Variants in RPRD1A observed in about 807,000 individuals in gnomAD.
RPRD1A encodes regulation of nuclear pre-mRNA domain containing 1A.
Under a neutral mutation model 37.8 loss-of-function variants are expected in RPRD1A, and 9 were observed. The ratio of observed to expected loss-of-function variants is 0.24; its 90% CI spans 0.14 to 0.42. The LOEUF (loss-of-function observed/expected upper bound fraction) is 0.42, where lower values mean the gene tolerates loss of function less well. RPRD1A is among the 10% of genes least tolerant of loss of function. The pLI is 1.00. For synonymous variants in RPRD1A, 138 were observed against 139.7 expected, an observed-to-expected ratio of 0.99 and a Z score of 0.08; for missense variants, 255 against 371.0, an observed-to-expected ratio of 0.69 and a Z score of 2.57.
intron 1 of RPRD1A, among the ~76,000 whole-genome samples, chr18:36,066,960 C>T (rs1395364706): frequency 6.6e-6 from 1 of 152,230 alleles, no homozygotes; most frequent in African/African-American, 2.4e-5. Flanking sequence ...GAAAAAAATA[C>T]CTGACCACCT....
intron 6 of RPRD1A, among the ~76,000 whole-genome samples, chr18:36,007,975 C>T (rs1909855953): frequency 6.6e-6 from 1 of 151,734 alleles, no homozygotes; most frequent in African/African-American, 2.4e-5. Flanking sequence ...TTGCCAGGAG[C>T]CATGACTCAT....
chr18:36,055,499 TAG>T (rs1913700611), intron 1 of RPRD1A, among the ~76,000 whole-genome samples: 1 of 152,226 alleles, frequency 6.6e-6, no homozygotes, highest in African/African-American at 2.4e-5. Context: ...TGATACTCTT[TAG>T]AGATTTTTTA....
chr18:36,007,548 T>C (rs1344343727), intron 6 of RPRD1A, among the ~76,000 whole-genome samples: 1 of 152,166 alleles, frequency 6.6e-6, no homozygotes, highest in Non-Finnish European at 1.5e-5. Flanking sequence ...CAAAAGAATA[T>C]AACTGTTACA....
At chr18:36,037,229 T>C (rs1179019647) in intron 1 of RPRD1A, among the ~76,000 whole-genome samples, 1 of 152,148 alleles carries the variant, frequency 6.6e-6, no homozygotes, top group East Asian at 1.9e-4. Flanking sequence ...AAATCTTGAA[T>C]TGTGGTTCCC....
intron 6 of RPRD1A, among the ~76,000 whole-genome samples, chr18:36,017,234 G>A (rs1598615257): frequency 6.6e-6 from 1 of 152,138 alleles, no homozygotes; most frequent in South Asian, 2.1e-4. Context: ...CTGGGAGGTC[G>A]AGGGTGCAGT....
intron 6 of RPRD1A, among the ~76,000 whole-genome samples, chr18:36,019,469 G>A (rs1446396735): frequency 1.3e-5 from 2 of 152,082 alleles, no homozygotes; most frequent in African/African-American, 4.8e-5. Flanking sequence ...CCATATGGTT[G>A]CAATGATGTA....
chr18:36,000,883 G>C (rs1018315961), intron 6 of RPRD1A, among the ~76,000 whole-genome samples: 2 of 152,050 alleles, frequency 1.3e-5, no homozygotes, highest in Non-Finnish European at 2.9e-5. Flanking sequence ...CTCATATCCT[G>C]GAATTATTTT....
intron 6 of RPRD1A, among the ~76,000 whole-genome samples, chr18:36,000,709 T>C (rs1448837404): frequency 6.6e-6 from 1 of 152,212 alleles, no homozygotes; most frequent in African/African-American, 2.4e-5. Flanking sequence ...TAATCTTCAC[T>C]GGTAGAGATT....
intron 4 of RPRD1A, among the ~76,000 whole-genome samples, chr18:36,029,981 A>G (rs190950554): frequency 0.037 from 5,520 of 150,920 alleles, 158 homozygotes; most frequent in Non-Finnish European, 0.056. Flanking sequence ...AATTTTTTGT[A>G]TTTTTTAGTA....
At position 36,008,577 on chromosome 18, in the gene RPRD1A, G is replaced by GTGTGTATATA; in HGVS notation, c.790-15278_790-15277insTATATACACA. Among the ~76,000 whole-genome samples, 19 of 47,796 alleles carry GTGTGTATATA rather than the reference G, an allele frequency of 4.0e-4. 3 individuals are homozygous for GTGTGTATATA. Among genetic ancestry groups the GTGTGTATATA allele is most frequent in the East Asian group, 2.3e-3 (3 of 1,286 alleles). The allele number at this position is 47,796 out of a possible 152,430, so 31.4% of individuals were successfully genotyped here. On this transcript the variant is annotated intron_variant, in intron 6 of 6. Transcript: ENST00000399022. ...GGCGACACAGCAAGACCTTGTGTGT[G>GTGTGTATATA]TATATATATATATCTTTAAAAATCT...
At chr18:36,033,299 C>CCAAAAAAAAAAAAAAAAAAAAAA (rs1348356259) in intron 2 of RPRD1A, among the ~76,000 whole-genome samples, 5 of 75,940 alleles carry the variant, frequency 6.6e-5, no homozygotes, top group African/African-American at 2.9e-4. Flanking sequence ...GACTCTGTCT[C>CCAAAAAAAAAAAAAAAAAAAAAA]AAAAAAAAAA....
At chr18:36,040,002 A>C (rs1310935932) in intron 1 of RPRD1A, among the ~76,000 whole-genome samples, 1 of 152,214 alleles carries the variant, frequency 6.6e-6, no homozygotes, top group Non-Finnish European at 1.5e-5. Context: ...TTTTGAAACA[A>C]AAATCTATTA....
chr18:36,027,383 C>A (rs1911446234), intron 4 of RPRD1A, 73 bp from the exon 5 acceptor site: 8 of 1,524,246 alleles, frequency 5.2e-6, no homozygotes, highest in Non-Finnish European at 6.3e-6. Context: ...ATTTCATATT[C>A]TTTCATCCCT....
chr18:36,020,308 T>C (rs1343998380), intron 6 of RPRD1A, among the ~76,000 whole-genome samples: 2 of 152,136 alleles, frequency 1.3e-5, no homozygotes, highest in African/African-American at 4.8e-5. Context: ...CAAAAGAGTG[T>C]GCGCATCTAG....
chr18:36,003,794 GT>G (rs1287142802), intron 6 of RPRD1A, among the ~76,000 whole-genome samples: 2 of 151,736 alleles, frequency 1.3e-5, no homozygotes, highest in Non-Finnish European at 2.9e-5. Flanking sequence ...TTTTTGTTTT[GT>G]TTTGTTTCTG....
intron 1 of RPRD1A, among the ~76,000 whole-genome samples, chr18:36,058,671 C>T (rs986568077): frequency 4.6e-5 from 7 of 152,176 alleles, no homozygotes; most frequent in African/African-American, 1.7e-4. Flanking sequence ...AGCAATGTAT[C>T]CTAGTCTCTT....
At chr18:36,031,634 A>G (rs558639172) in intron 2 of RPRD1A, among the ~76,000 whole-genome samples, 21 of 152,288 alleles carry the variant, frequency 1.4e-4, no homozygotes, top group African/African-American at 5.1e-4. Flanking sequence ...CATATGGGGA[A>G]ATGAAAAACA....
At chr18:36,034,940 G>A (rs1271749470) in intron 1 of RPRD1A, among the ~76,000 whole-genome samples, 1 of 152,186 alleles carries the variant, frequency 6.6e-6, no homozygotes, top group Non-Finnish European at 1.5e-5. Flanking sequence ...TTACAAACCT[G>A]TGCCATGCCA....
chr18:36,018,228 A>G (rs1427083067), intron 6 of RPRD1A, among the ~76,000 whole-genome samples: 2 of 151,920 alleles, frequency 1.3e-5, no homozygotes, highest in African/African-American at 4.8e-5. Flanking sequence ...TGATTTAGCT[A>G]CAAGTAAGTT....
Sources: allele counts gnomAD v4.1 joint callset (sites outside exome capture counted in the v4.1 genomes callset), GRCh38; gene constraint gnomAD v4.1.1; transcripts MANE v1.5; gene names NCBI Gene and HGNC (gene_info 2026-07-23, HGNC 2026-07-21).